The following NCOA3 variants were observed in gnomAD, a reference collection of about 807,000 sequenced individuals.
The protein encoded by NCOA3 is nuclear receptor coactivator 3.
In NCOA3, 51 loss-of-function variants were observed where a neutral mutation model predicts 158.8. The observed-to-expected ratio is 0.32, with a 90% CI of 0.26 to 0.41. NCOA3 has a LOEUF of 0.41. NCOA3 is among the 10% of genes least tolerant of loss of function. The pLI, the probability that NCOA3 is intolerant of heterozygous loss-of-function variation, is 1.00. For synonymous variants in NCOA3, 537 were observed against 592.4 expected (o/e 0.91, Z 1.36); for missense variants, 1,510 against 1,746.6 (o/e 0.86, Z 2.41).
chr20:47,610,063 G>C (rs1385799792), intron 2 of NCOA3, among the ~76,000 whole-genome samples: 5 of 152,068 alleles, frequency 3.3e-5, no homozygotes, highest in African/African-American at 9.7e-5. Flanking sequence ...CCTCCAGAAA[G>C]CAAATAATGT....
At position 47,648,268 on chromosome 20, in the gene NCOA3, G is replaced by A. The variant is rs1365237636; in HGVS notation, c.3547-737G>A. ...ATTGCATAAATATTGTTAAAAGTCA[G>A]TTTAGGTACTCAGAAAAGCTGTGTT... On this transcript the variant is annotated intron_variant, in intron 18 of 22. Transcript: ENST00000371998. Among the ~76,000 whole-genome samples, 7 of 152,174 alleles carry A rather than the reference G, an allele frequency of 4.6e-5. No individual in the cohort carries two copies. The East Asian group carries it at 7.7e-4, about 17-fold the overall frequency.
chr20:47,513,657 C>G (rs952273979), intron 1 of NCOA3, among the ~76,000 whole-genome samples: 1 of 137,926 alleles, frequency 7.3e-6, no homozygotes, highest in Non-Finnish European at 1.5e-5. Flanking sequence ...ATCCAGGAGG[C>G]AAAGGTTGCA....
intron 1 of NCOA3, among the ~76,000 whole-genome samples, chr20:47,541,722 CATT>C (rs2084741129): frequency 6.6e-6 from 1 of 151,420 alleles, no homozygotes; most frequent in South Asian, 2.1e-4. Flanking sequence ...AAATACTAGA[CATT>C]ATATAATTTC....
rs750956514 is a variant in NCOA3, at chr20:47,622,214, A to C, written c.-19-15A>C. ...TTTTAATGTACTTATCTTATTTCTC[A>C]TTATTCTCTCTTAGTTGCTGATGTA... On this transcript the variant is annotated splice_polypyrimidine_tract_variant and intron_variant, in intron 2 of 22. Coordinates refer to ENST00000371998, the MANE Select transcript of NCOA3 (RefSeq NM_181659.3). 3 of 1,356,094 alleles carry C rather than the reference A, an allele frequency of 2.2e-6. No individual in the cohort carries two copies. The Admixed American group carries it at 5.4e-5, about 25-fold the overall frequency. 84.0% of individuals were successfully genotyped at this position (1,356,094 alleles called of 1,614,324 possible). A position where few individuals can be genotyped will look rare whatever the true frequency, so the allele number is the denominator to read the frequency against.
At chr20:47,579,469 TAAAG>T (rs1454017013) in intron 1 of NCOA3, among the ~76,000 whole-genome samples, 1 of 152,166 alleles carries the variant, frequency 6.6e-6, no homozygotes, top group African/African-American at 2.4e-5. Context: ...TTGTTTTTGA[TAAAG>T]AAAAAAAATA....
intron 2 of NCOA3, among the ~76,000 whole-genome samples, chr20:47,615,394 G>A (rs1013140029): frequency 2.6e-5 from 4 of 152,132 alleles, no homozygotes; most frequent in Admixed American, 2.6e-4. Flanking sequence ...TGGTAGTGTT[G>A]ATTGATATCT....
intron 1 of NCOA3, among the ~76,000 whole-genome samples, chr20:47,576,425 C>A (rs567479365): frequency 2.0e-5 from 3 of 152,254 alleles, no homozygotes; most frequent in South Asian, 4.1e-4. Context: ...TAAATTTATT[C>A]TTTGTCTTGA....
chr20:47,647,969 C>T (rs1245706859), intron 18 of NCOA3, among the ~76,000 whole-genome samples: 2 of 143,802 alleles, frequency 1.4e-5, no homozygotes, highest in East Asian at 2.0e-4. Context: ...GGCTGGAGTG[C>T]AGTGGCATGA....
At chr20:47,513,300 G>T (rs555415468) in intron 1 of NCOA3, among the ~76,000 whole-genome samples, 27 of 152,144 alleles carry the variant, frequency 1.8e-4, no homozygotes, top group Admixed American at 8.5e-4. Context: ...ACACAAATAC[G>T]CAGAGAAGCT....
Position 47,653,543 on chromosome 20 carries a change from G to A in NCOA3, c.*126G>A. 8.5e-7 allele frequency: 1 copy of A among 1,173,522 alleles called. No individual in the cohort carries two copies. The highest frequency in any genetic ancestry group is 1.2e-6 in the Non-Finnish European group (1 of 808,342). 72.7% of individuals were successfully genotyped at this position (1,173,522 alleles called of 1,614,324 possible). ...AAGGACCAGCTTTGAGCTCCATCAA[G>A]GGTATTTTAAGTGATGTCATTTGAG... is the stretch of plus-strand genomic sequence containing the variant. On this transcript the variant is annotated 3_prime_UTR_variant, in exon 23 of 23. Coordinates refer to ENST00000371998, the MANE Select transcript of NCOA3 (RefSeq NM_181659.3).
At chr20:47,628,193 G>A (rs991174351) in intron 8 of NCOA3, among the ~76,000 whole-genome samples, 170 bp downstream of exon 8, 2 of 151,722 alleles carry the variant, frequency 1.3e-5, no homozygotes, top group African/African-American at 4.8e-5. Flanking sequence ...AACCTTAAAA[G>A]AATTTCACTA....
rs1218638218 is a variant in NCOA3 at position 47,653,753 on chromosome 20, A to G, written c.*336A>G. On this transcript the variant is annotated 3_prime_UTR_variant, in exon 23 of 23. Transcript: ENST00000371998. ...TCACTTTTTTCTGCCTTGCTAGCCA[A>G]AATCTCTTAAATACACGTAGGTGGG... is the stretch of plus-strand genomic sequence containing the variant. 1 of 345,408 alleles carries G rather than the reference A, an allele frequency of 2.9e-6. No individual in the cohort carries two copies. Among genetic ancestry groups the G allele is most frequent in the East Asian group, 4.7e-5 (1 of 21,174 alleles). The allele number at this position is 345,408 out of a possible 1,614,324, so 21.4% of individuals were successfully genotyped here.
chr20:47,605,591 G>A (rs899878618), intron 2 of NCOA3, among the ~76,000 whole-genome samples: 3 of 150,954 alleles, frequency 2.0e-5, no homozygotes, highest in African/African-American at 4.9e-5. Flanking sequence ...AGATTTTTTC[G>A]TTTTACCTGT....
In NCOA3 at chr20:47,636,252, G is replaced by A. The variant is rs1190082783; in HGVS notation, c.1866G>A (p.Leu622=). 5.0e-6 allele frequency: 8 copies of A among 1,614,070 alleles called. No individual in the cohort carries two copies. In the Admixed American group the frequency reaches 8.3e-5, roughly 17 times the overall value. ...AAAGCAAAGGTCATAAAAAATTACT[G>A]CAGTTACTTACCTGTTCTTCTGATG... ...PLESKGHKKL[L]QLLTCSSDDR... Residue 622 remains leucine (L), a synonymous_variant, in exon 12 of 23, where the codon CTG becomes CTA. Transcript: ENST00000371998.
intron 1 of NCOA3, among the ~76,000 whole-genome samples, chr20:47,547,856 C>G (rs1014740459): frequency 6.6e-6 from 1 of 152,076 alleles, no homozygotes; most frequent in African/African-American, 2.4e-5. Context: ...GCTAGGATTA[C>G]AGGCGCCTGC....
At chr20:47,522,928 C>T (rs1243151433) in intron 1 of NCOA3, among the ~76,000 whole-genome samples, 1 of 151,534 alleles carries the variant, frequency 6.6e-6, no homozygotes, top group Non-Finnish European at 1.5e-5. Context: ...CGGTGGCTCA[C>T]CCCTGTAATG....
chr20:47,512,104 C>T (rs1043605709), intron 1 of NCOA3, among the ~76,000 whole-genome samples: 20 of 150,734 alleles, frequency 1.3e-4, no homozygotes, highest in African/African-American at 2.7e-4. Flanking sequence ...TGCTTAAAGC[C>T]GGAAGTTAAA....
At position 47,636,080 on chromosome 20, in the gene NCOA3, A is replaced by C. The variant is rs1394918668; in HGVS notation, c.1694A>C (p.Gln565Pro). Residue 565 changes from glutamine (Q) to proline (P), a missense_variant, in exon 12 of 23, where the codon CAG (glutamine) becomes CCG (proline). Gln to Pro is a moderately conservative substitution (Grantham distance 76). Around this residue, in one of 4 missense-constraint regions of NCOA3, gnomAD observed 1,017 missense variants for 1,098.3 expected, o/e 0.93. Coordinates refer to ENST00000371998, the MANE Select transcript of NCOA3 (RefSeq NM_181659.3). ...NITQPSKVSN[Q>P]DSKSPLGFYC... ...ACCCAACCAAGTAAAGTAAGCAATC[A>C]GGATTCCAAGAGTCCTCTGGGCTTT... 2 of 1,614,198 alleles carry C rather than the reference A, an allele frequency of 1.2e-6. No individual in the cohort carries two copies.
At chr20:47,576,238 A>G (rs1174748910) in intron 1 of NCOA3, among the ~76,000 whole-genome samples, 1 of 152,202 alleles carries the variant, frequency 6.6e-6, no homozygotes, top group Non-Finnish European at 1.5e-5. Context: ...GAGGGTAGGG[A>G]AACTATGCAA....
Sources: allele counts gnomAD v4.1 joint callset (sites outside exome capture counted in the v4.1 genomes callset), GRCh38; gene constraint gnomAD v4.1.1; regional missense constraint gnomAD v4.1.1; transcripts MANE v1.5; gene names NCBI Gene and HGNC (gene_info 2026-07-23, HGNC 2026-07-21).